GRM5: variants seen among roughly 807,000 people sequenced by gnomAD.
The protein encoded by GRM5 is glutamate metabotropic receptor 5, also known as metabotropic glutamate receptor 5.
In GRM5, 19 loss-of-function variants were observed where a neutral mutation model predicts 83.1. The ratio of observed to expected loss-of-function variants is 0.23; its 90% confidence interval spans 0.16 to 0.34. GRM5 has a LOEUF of 0.34. GRM5 is among the 10% of genes least tolerant of loss of function. The pLI, the probability that GRM5 is intolerant of heterozygous loss-of-function variation, is 1.00. For missense variants in GRM5, 1,160 were observed against 1,588.3 expected (o/e 0.73, Z 4.58); for synonymous variants, 675 against 633.6 (o/e 1.07, Z -0.98).
chr11:89,045,471 CTTGT>C (rs1941622725), intron 2 of GRM5, among the ~76,000 whole-genome samples: 2 of 152,072 alleles, frequency 1.3e-5, no homozygotes, highest in Non-Finnish European at 2.9e-5. Flanking sequence ...AGAAATGCCC[CTTGT>C]TTTATTCACC....
intron 8 of GRM5, among the ~76,000 whole-genome samples, chr11:88,549,398 C>A (rs1942453698): frequency 6.6e-6 from 1 of 151,426 alleles, no homozygotes; most frequent in South Asian, 2.1e-4. Flanking sequence ...GTTGCTTATG[C>A]CACTGCACTC....
In GRM5 at chr11:88,647,047, C is replaced by T. The variant is rs373334120; in HGVS notation, c.1147+6121G>A. On this transcript the variant is annotated intron_variant, in intron 4 of 9. Transcript: ENST00000305447. ...ATTCTTCCTAACTTCTGGTGATGAC[C>T]GTCAATCCTTGATATTCCCTGGCTT... Among the ~76,000 whole-genome samples the T allele has an allele frequency of 4.7e-4, 71 of 152,124 alleles. 1 individual carries two copies. The highest frequency in any genetic ancestry group is 1.5e-3 in the African/African-American group (64 of 41,542).
Position 88,590,647 on chromosome 11 carries a change from T to C in GRM5, c.1644A>G (p.Thr548=). ...KENEYVFDEY[T]CKACQLGSWP... ...AAGACCCCAGTTGGCATGCCTTGCATGTGTACTCATCAAAGACATACTCAT... is the reference window on the plus strand; with the variant it reads ...AAGACCCCAGTTGGCATGCCTTGCACGTGTACTCATCAAAGACATACTCAT... Residue 548 remains threonine, a synonymous_variant, in exon 7 of 10, where the codon ACA becomes ACG. Coordinates refer to ENST00000305447, the MANE Select transcript of GRM5 (RefSeq NM_001143831.3). The C allele has an allele frequency of 1.2e-6, 2 of 1,609,464 alleles. No homozygotes were observed. Among genetic ancestry groups the C allele is most frequent in the Non-Finnish European group, 1.7e-6 (2 of 1,175,758 alleles).
intron 2 of GRM5, among the ~76,000 whole-genome samples, chr11:88,862,395 T>G (rs2053102706): frequency 6.6e-6 from 1 of 152,124 alleles, no homozygotes; most frequent in African/African-American, 2.4e-5. Flanking sequence ...TATTGTTTTT[T>G]GGGGAAATAT....
intron 1 of GRM5, among the ~76,000 whole-genome samples, chr11:89,052,843 A>C (rs561753941): frequency 1.5e-3 from 236 of 152,268 alleles, no homozygotes; most frequent in African/African-American, 5.5e-3. Context: ...TCAGATTTTT[A>C]ATTTTTGAAT....
intron 2 of GRM5, among the ~76,000 whole-genome samples, chr11:89,039,335 A>G (rs1165775336): frequency 3.3e-5 from 5 of 152,014 alleles, no homozygotes; most frequent in South Asian, 2.1e-4. Flanking sequence ...TAAGATCCCA[A>G]TGGCAACTGA....
intron 9 of GRM5, among the ~76,000 whole-genome samples, chr11:88,519,384 G>T (rs1941615664): frequency 6.6e-6 from 1 of 152,010 alleles, no homozygotes; most frequent in South Asian, 2.1e-4. Context: ...GTTAGGGTTA[G>T]TTTATGAAGA....
intron 8 of GRM5, among the ~76,000 whole-genome samples, chr11:88,556,289 A>C: frequency 6.6e-6 from 1 of 151,248 alleles, no homozygotes; most frequent in South Asian, 2.1e-4. Context: ...CTCACATTTC[A>C]TGGATATGAA....
intron 2 of GRM5, among the ~76,000 whole-genome samples, chr11:89,041,861 A>G (rs1941541897): frequency 6.6e-6 from 1 of 152,228 alleles, no homozygotes; most frequent in Admixed American, 6.5e-5. Flanking sequence ...AGTGGTAACC[A>G]ATATAATTAT....
At chr11:88,677,619 G>T (rs553108910) in intron 3 of GRM5, among the ~76,000 whole-genome samples, 14 of 152,072 alleles carry the variant, frequency 9.2e-5, no homozygotes, top group Non-Finnish European at 1.8e-4. Flanking sequence ...TGACCACTTT[G>T]AACTTTTTAA....
intron 3 of GRM5, among the ~76,000 whole-genome samples, chr11:88,677,137 C>G (rs1267364404): frequency 6.6e-6 from 1 of 151,932 alleles, no homozygotes; most frequent in Non-Finnish European, 1.5e-5. Flanking sequence ...GTTAATTTTA[C>G]TATATTCATT....
chr11:88,604,820 G>T lies in GRM5; in HGVS notation c.1292C>A (p.Pro431Gln). The change falls in exon 5 of 10, where the codon CCA (proline) becomes CAA (glutamine). Residue 431 changes from proline to glutamine, a missense_variant. Pro to Gln is a moderately conservative substitution (Grantham distance 76, BLOSUM62 -1). Coordinates refer to ENST00000305447, the MANE Select transcript of GRM5 (RefSeq NM_001143831.3). ...CTCCAAAAGTTTCCGTCCATCAATTGGCTTCATGGCATCACAGAGTCCTGC... is the reference window on the plus strand; with the variant it reads ...CTCCAAAAGTTTCCGTCCATCAATTTGCTTCATGGCATCACAGAGTCCTGC... ...GYAGLCDAMKPIDGRKLLESL... is the reference protein window; with the variant it reads ...GYAGLCDAMKQIDGRKLLESL... 3 of 1,613,798 alleles carry T rather than the reference G, an allele frequency of 1.9e-6. No homozygotes were observed. The highest frequency in any genetic ancestry group is 2.5e-6 in the Non-Finnish European group (3 of 1,179,716).
intron 2 of GRM5, among the ~76,000 whole-genome samples, chr11:88,944,747 C>T (rs536883733): frequency 2.4e-4 from 36 of 151,704 alleles, no homozygotes; most frequent in Non-Finnish European, 3.2e-4. Context: ...ACAAAACCAC[C>T]GCCAACAATA....
intron 2 of GRM5, among the ~76,000 whole-genome samples, chr11:88,885,988 A>G (rs1001855981): frequency 2.6e-5 from 4 of 152,208 alleles, no homozygotes; most frequent in African/African-American, 4.8e-5. Flanking sequence ...GCCTATTTGC[A>G]TAATAAGATT....
intron 2 of GRM5, among the ~76,000 whole-genome samples, chr11:89,046,324 A>G (rs1418071296): frequency 2.0e-5 from 3 of 152,212 alleles, no homozygotes; most frequent in African/African-American, 7.2e-5. Context: ...GATGATTTAT[A>G]AAAAGTATTT....
intron 8 of GRM5, among the ~76,000 whole-genome samples, chr11:88,542,886 T>C (rs1942300245): frequency 6.6e-6 from 1 of 152,124 alleles, no homozygotes. Flanking sequence ...CTGGCCAACA[T>C]GGTGAAACCC....
intron 3 of GRM5, among the ~76,000 whole-genome samples, chr11:88,751,061 A>C: frequency 1.4e-5 from 2 of 139,758 alleles, no homozygotes; most frequent in Non-Finnish European, 3.1e-5. Context: ...AACCCCAAAG[A>C]TAGCAGAAGC....
At chr11:88,573,841 T>C (rs1324953968) in intron 7 of GRM5, among the ~76,000 whole-genome samples, 2 of 152,204 alleles carry the variant, frequency 1.3e-5, no homozygotes, top group Non-Finnish European at 1.5e-5. Context: ...TTGGATCTCA[T>C]GGATGTTGAA....
chr11:88,875,500 T>C (rs997775179), intron 2 of GRM5, among the ~76,000 whole-genome samples: 2 of 152,020 alleles, frequency 1.3e-5, no homozygotes, highest in African/African-American at 2.4e-5. Flanking sequence ...CCTGTTAATA[T>C]TGATATTCTG....
Sources: allele counts gnomAD v4.1 joint callset (sites outside exome capture counted in the v4.1 genomes callset), GRCh38; gene constraint gnomAD v4.1.1; transcripts MANE v1.5; gene names NCBI Gene and HGNC (gene_info 2026-07-23, HGNC 2026-07-21).